KCNB2: variants seen among roughly 807,000 people sequenced by gnomAD.
KCNB2 encodes the protein delayed rectifier potassium channel protein.
In KCNB2, 15 loss-of-function variants were observed where a neutral mutation model predicts 61.5. That is an observed-to-expected ratio of 0.24 (90% confidence interval 0.16 to 0.38). The LOEUF (loss-of-function observed/expected upper bound fraction) is 0.38. Ranked by LOEUF, KCNB2 falls within the 10% of genes least tolerant of loss-of-function variation. KCNB2 has a pLI of 1.00. For missense variants in KCNB2, 828 were observed against 1,125.2 expected (o/e 0.74, Z 3.78); for synonymous variants, 457 against 446.0 (o/e 1.02, Z -0.31).
At chr8:72,668,683 T>C (rs1295613785) in intron 2 of KCNB2, among the ~76,000 whole-genome samples, 2 of 152,140 alleles carry the variant, frequency 1.3e-5, no homozygotes, top group Non-Finnish European at 2.9e-5. Flanking sequence ...GTAGGTCCAT[T>C]CCCTTTATTA....
intron 2 of KCNB2, among the ~76,000 whole-genome samples, chr8:72,776,219 G>A (rs1415080303): frequency 6.8e-6 from 1 of 148,066 alleles, no homozygotes; most frequent in Admixed American, 6.8e-5. Context: ...CTTGGACACA[G>A]GAAGGGGAAT....
intron 2 of KCNB2, among the ~76,000 whole-genome samples, chr8:72,710,459 C>CATATAT (rs142371083): frequency 2.0e-3 from 297 of 149,404 alleles, no homozygotes; most frequent in African/African-American, 6.7e-3. Flanking sequence ...GCATGCTCTG[C>CATATAT]ATATATATAT....
chr8:72,600,616 A>G (rs1206504375), intron 2 of KCNB2, among the ~76,000 whole-genome samples: 1 of 151,970 alleles, frequency 6.6e-6, no homozygotes, highest in Non-Finnish European at 1.5e-5. Flanking sequence ...TAAAAAAAAA[A>G]GAAAATGTGG....
At chr8:72,547,165 C>T (rs1235003307) in intron 1 of KCNB2, among the ~76,000 whole-genome samples, 2 of 152,184 alleles carry the variant, frequency 1.3e-5, no homozygotes, top group African/African-American at 4.8e-5. Flanking sequence ...TTAAGCCCAC[C>T]ATTAGAACCT....
chr8:72,692,033 G>A lies in KCNB2; in HGVS notation c.579+123720G>A, dbSNP rs1046230949. 1.9e-4 allele frequency among the ~76,000 whole-genome samples: 29 copies of A among 152,028 alleles called. No individual in the cohort carries two copies. The East Asian group carries it at 4.3e-3, about 22-fold the overall frequency. On this transcript the variant is annotated intron_variant, in intron 2 of 2. Coordinates refer to ENST00000523207, the MANE Select transcript of KCNB2 (RefSeq NM_004770.3). ...AGGCAGATCACGAAGTCAGGAGATC[G>A]AGACCATCCTGGCTAACACAGTGAA...
intron 2 of KCNB2, chr8:72,619,339 G>T: frequency 1.7e-6 from 1 of 594,404 alleles, no homozygotes; most frequent in Non-Finnish European, 3.3e-6. Flanking sequence ...AGAAGGTCTT[G>T]AAGAGGCTTG....
intron 2 of KCNB2, among the ~76,000 whole-genome samples, chr8:72,635,429 C>T (rs1805947909): frequency 6.6e-6 from 1 of 152,076 alleles, no homozygotes; most frequent in African/African-American, 2.4e-5. Flanking sequence ...ATTTGTCGTC[C>T]TGTCAGTCAG....
chr8:72,773,625 G>T (rs1039012828), intron 2 of KCNB2, among the ~76,000 whole-genome samples: 1 of 152,280 alleles, frequency 6.6e-6, no homozygotes, highest in Admixed American at 6.5e-5. Flanking sequence ...GTGGGGAGGG[G>T]CCTAAAGTCT....
chr8:72,866,603 A>T (rs1805525718), intron 2 of KCNB2, among the ~76,000 whole-genome samples: 1 of 152,170 alleles, frequency 6.6e-6, no homozygotes, highest in Admixed American at 6.5e-5. Flanking sequence ...AACACATTTC[A>T]GAACAATCCT....
At chr8:72,915,199 G>A (rs1233428928) in intron 2 of KCNB2, among the ~76,000 whole-genome samples, 1 of 152,182 alleles carries the variant, frequency 6.6e-6, no homozygotes, top group Non-Finnish European at 1.5e-5. Flanking sequence ...TGGGATTACA[G>A]GCATGAGCCA....
intron 1 of KCNB2, among the ~76,000 whole-genome samples, chr8:72,566,480 G>T (rs1250870542): frequency 1.3e-5 from 2 of 151,646 alleles, no homozygotes; most frequent in Non-Finnish European, 2.9e-5. Context: ...CCAGCGGATT[G>T]CTTAAGCTTG....
At chr8:72,911,516 G>A (rs1806291958) in intron 2 of KCNB2, among the ~76,000 whole-genome samples, 1 of 152,202 alleles carries the variant, frequency 6.6e-6, no homozygotes, top group Non-Finnish European at 1.5e-5. Flanking sequence ...AATCGTTTTA[G>A]CCAAGACTGT....
chr8:72,813,856 T>C (rs1809346197), intron 2 of KCNB2, among the ~76,000 whole-genome samples: 1 of 152,040 alleles, frequency 6.6e-6, no homozygotes, highest in Non-Finnish European at 1.5e-5. Flanking sequence ...CATGCTTTTT[T>C]CTTCTTCTTT....
chr8:72,594,066 C>T (rs977520787), intron 2 of KCNB2, among the ~76,000 whole-genome samples: 3 of 152,028 alleles, frequency 2.0e-5, no homozygotes, highest in African/African-American at 7.2e-5. Context: ...TGAAACTAGC[C>T]TCCATCTCAA....
At chr8:72,845,498 G>A (rs1396985011) in intron 2 of KCNB2, among the ~76,000 whole-genome samples, 1 of 152,214 alleles carries the variant, frequency 6.6e-6, no homozygotes, top group Non-Finnish European at 1.5e-5. Context: ...CTTTAGAGCT[G>A]GCAGGCAGGA....
At chr8:72,890,715 G>A (rs1423592040) in intron 2 of KCNB2, among the ~76,000 whole-genome samples, 1 of 152,168 alleles carries the variant, frequency 6.6e-6, no homozygotes, top group Non-Finnish European at 1.5e-5. Flanking sequence ...GAGAAGTCAG[G>A]TAGTACTAAC....
At chr8:72,812,456 A>T (rs1162319766) in intron 2 of KCNB2, among the ~76,000 whole-genome samples, 1 of 152,142 alleles carries the variant, frequency 6.6e-6, no homozygotes, top group Admixed American at 6.6e-5. Context: ...CAGCAGGAAT[A>T]CTTTTTTGTT....
intron 2 of KCNB2, among the ~76,000 whole-genome samples, chr8:72,608,908 T>A (rs1290726662): frequency 6.6e-6 from 1 of 152,132 alleles, no homozygotes; most frequent in African/African-American, 2.4e-5. Flanking sequence ...CATAAAAGGA[T>A]GGTTACAAGG....
intron 2 of KCNB2, among the ~76,000 whole-genome samples, chr8:72,674,156 C>G (rs1280965182): frequency 6.6e-6 from 1 of 152,116 alleles, no homozygotes; most frequent in Non-Finnish European, 1.5e-5. Flanking sequence ...AACTCTGAAC[C>G]CTAAGCGTAA....
Sources: allele counts gnomAD v4.1 joint callset (sites outside exome capture counted in the v4.1 genomes callset), GRCh38; gene constraint gnomAD v4.1.1; transcripts MANE v1.5; gene names NCBI Gene and HGNC (gene_info 2026-07-23, HGNC 2026-07-21).